The following PAFAH1B2 variants were observed in gnomAD, a reference collection of about 807,000 sequenced individuals.
PAFAH1B2 encodes the protein platelet activating factor acetylhydrolase 1b catalytic subunit 2.
In PAFAH1B2, 8 loss-of-function variants were observed where a neutral mutation model predicts 28.0. The observed-to-expected ratio is 0.29, with a 90% confidence interval of 0.17 to 0.52. The LOEUF (loss-of-function observed/expected upper bound fraction) is 0.52, where lower values mean the gene tolerates loss of function less well. PAFAH1B2 is among the 20% of genes least tolerant of loss of function. The pLI is 0.97. For synonymous variants in PAFAH1B2, 104 were observed against 103.2 expected, an observed-to-expected ratio of 1.01 and a Z score of -0.05; for missense variants, 190 against 282.6, an observed-to-expected ratio of 0.67 and a Z score of 2.35.
chr11:117,151,835 T>G (rs1310420538), intron 1 of PAFAH1B2, among the ~76,000 whole-genome samples: 1 of 152,036 alleles, frequency 6.6e-6, no homozygotes, highest in Non-Finnish European at 1.5e-5. Context: ...GCCTCCCAAG[T>G]AGCTGGGACT....
exon 6 of PAFAH1B2, chr11:117,176,230 C>G (rs1159331844): frequency 2.2e-6 from 1 of 454,240 alleles, no homozygotes; most frequent in African/African-American, 2.0e-5. Context: ...AATTGGTGAA[C>G]CCTTTGGAAA....
At chr11:117,157,080 A>G (rs1956270838) in intron 2 of PAFAH1B2, among the ~76,000 whole-genome samples, 1 of 151,772 alleles carries the variant, frequency 6.6e-6, no homozygotes, top group Admixed American at 6.6e-5. Flanking sequence ...AGTACCTGCA[A>G]TAGGGAGTTG....
chr11:117,166,171 G>T (rs1360081139), intron 5 of PAFAH1B2, among the ~76,000 whole-genome samples: 1 of 152,166 alleles, frequency 6.6e-6, no homozygotes, highest in African/African-American at 2.4e-5. Flanking sequence ...TATGCTGTTG[G>T]GATGTTTGGA....
chr11:117,164,702 C>A (rs1019230307), intron 5 of PAFAH1B2, among the ~76,000 whole-genome samples: 1 of 152,044 alleles, frequency 6.6e-6, no homozygotes, highest in African/African-American at 2.4e-5. Flanking sequence ...ATTAACTCTT[C>A]ATGGTCTCAA....
intron 1 of PAFAH1B2, among the ~76,000 whole-genome samples, chr11:117,146,842 A>G (rs1443297115): frequency 7.5e-6 from 1 of 133,012 alleles, no homozygotes; most frequent in South Asian, 2.6e-4. Context: ...TCTATTGGAA[A>G]AAAAAAAAAA....
chr11:117,145,845 A>G (rs1955991471), intron 1 of PAFAH1B2, among the ~76,000 whole-genome samples: 2 of 152,326 alleles, frequency 1.3e-5, no homozygotes, highest in South Asian at 2.1e-4. Context: ...CAGCTGGAGA[A>G]GTTATAACGC....
intron 1 of PAFAH1B2, among the ~76,000 whole-genome samples, chr11:117,148,881 T>G (rs979355266): frequency 6.6e-6 from 1 of 152,068 alleles, no homozygotes; most frequent in Non-Finnish European, 1.5e-5. Flanking sequence ...GAACATTTAT[T>G]TACTTAGAGA....
chr11:117,153,084 CAAAA>C (rs1253028408), intron 2 of PAFAH1B2, among the ~76,000 whole-genome samples: 1 of 152,010 alleles, frequency 6.6e-6, no homozygotes, highest in Non-Finnish European at 1.5e-5. Flanking sequence ...AAAAAACAAA[CAAAA>C]AAACTGTAAC....
downstream of PAFAH1B2, chr11:117,175,613 T>G: frequency 4.1e-6 from 5 of 1,219,208 alleles, no homozygotes; most frequent in Non-Finnish European, 5.1e-6. Context: ...AGTTGTTTGG[T>G]TCCAGAGCAG....
At chr11:117,151,365 G>A (rs1956147556) in intron 1 of PAFAH1B2, among the ~76,000 whole-genome samples, 1 of 151,798 alleles carries the variant, frequency 6.6e-6, no homozygotes, top group South Asian at 2.1e-4. Flanking sequence ...GAGTAGCTGG[G>A]ACTACAGGTG....
chr11:117,171,105 G>T, downstream of PAFAH1B2: 1 of 996,596 alleles, frequency 1.0e-6, no homozygotes, highest in South Asian at 4.7e-5. Flanking sequence ...AAAAAGGGAT[G>T]GTTTTTCCCT....
intron 2 of PAFAH1B2, among the ~76,000 whole-genome samples, chr11:117,158,634 T>G (rs1039599655): frequency 3.6e-4 from 52 of 142,528 alleles, no homozygotes; most frequent in African/African-American, 1.3e-3. Context: ...GATAATAGTT[T>G]GTGGGCTTTT....
At chr11:117,172,708 CTA>C (rs1259880382), downstream of PAFAH1B2, among the ~76,000 whole-genome samples, 2 of 152,200 alleles carry the variant, frequency 1.3e-5, no homozygotes, top group Admixed American at 6.5e-5. Context: ...AGCTCCTACT[CTA>C]TTTTTATTTT....
downstream of PAFAH1B2, among the ~76,000 whole-genome samples, chr11:117,174,408 T>A (rs1009746517): frequency 2.1e-4 from 32 of 152,074 alleles, no homozygotes; most frequent in African/African-American, 7.7e-4. Flanking sequence ...GGTCTCAAAC[T>A]CCTGACCTCA....
chr11:117,149,430 G>GTTTTTTTTTTTGTT (rs1956093069), intron 1 of PAFAH1B2, among the ~76,000 whole-genome samples: 1 of 86,050 alleles, frequency 1.2e-5, no homozygotes, highest in African/African-American at 4.6e-5. Context: ...TTTTCTAATC[G>GTTTTTTTTTTTGTT]TTTTTTTTTT....
At chr11:117,146,987 G>T (rs1437670387) in intron 1 of PAFAH1B2, among the ~76,000 whole-genome samples, 1 of 151,940 alleles carries the variant, frequency 6.6e-6, no homozygotes, top group Non-Finnish European at 1.5e-5. Flanking sequence ...AAAAAAAGCC[G>T]GCCGGGCGTG....
intron 1 of PAFAH1B2, among the ~76,000 whole-genome samples, chr11:117,150,197 G>T (rs1489732610): frequency 3.9e-5 from 6 of 152,178 alleles, no homozygotes; most frequent in African/African-American, 1.4e-4. Flanking sequence ...GTTGTTGTTT[G>T]TTTGAGATGA....
At chr11:117,171,840 A>G (rs1476200848), downstream of PAFAH1B2, 1 of 971,866 alleles carries the variant, frequency 1.0e-6, no homozygotes, top group African/African-American at 1.6e-5. Context: ...TCAGTGGTAT[A>G]CTGTTGGATT....
intron 2 of PAFAH1B2, among the ~76,000 whole-genome samples, chr11:117,157,290 A>G (rs1270772711): frequency 2.0e-5 from 3 of 149,296 alleles, no homozygotes; most frequent in Non-Finnish European, 3.0e-5. Flanking sequence ...ATAAATGAAT[A>G]TATATATATA....
Sources: allele counts gnomAD v4.1 joint callset (sites outside exome capture counted in the v4.1 genomes callset), GRCh38; gene constraint gnomAD v4.1.1; transcripts MANE v1.5; gene names NCBI Gene and HGNC (gene_info 2026-07-23, HGNC 2026-07-21).